Variants in LINC00305 observed in about 807,000 individuals in gnomAD.
LINC00305 encodes long independently transcribed non-coding RNA 305.
chr18:64,125,536 T>G (rs1298374545), intron 1 of LINC00305, among the ~76,000 whole-genome samples: 1 of 152,178 alleles, frequency 6.6e-6, no homozygotes, highest in Non-Finnish European at 1.5e-5. Context: ...ATATGTTTAA[T>G]GAGATACATT....
At chr18:64,137,820 C>G (rs1024487696) in intron 1 of LINC00305, among the ~76,000 whole-genome samples, 1 of 151,516 alleles carries the variant, frequency 6.6e-6, no homozygotes, top group East Asian at 1.9e-4. Flanking sequence ...GAGTTAAACA[C>G]AAGCCATTAA....
At chr18:64,108,344 G>A (rs974778482) in intron 1 of LINC00305, among the ~76,000 whole-genome samples, 4 of 152,180 alleles carry the variant, frequency 2.6e-5, no homozygotes, top group East Asian at 3.9e-4. Context: ...AGAAAGAAGT[G>A]CAACACATGA....
chr18:64,103,875 C>T (rs1450605034), intron 1 of LINC00305, among the ~76,000 whole-genome samples: 2 of 152,218 alleles, frequency 1.3e-5, no homozygotes, highest in South Asian at 2.1e-4. Context: ...GTAGAATGAT[C>T]TGTGGACATG....
chr18:64,110,287 C>T (rs1193410202), intron 1 of LINC00305, among the ~76,000 whole-genome samples: 1 of 152,200 alleles, frequency 6.6e-6, no homozygotes, highest in African/African-American at 2.4e-5. Flanking sequence ...TCTCCTCACT[C>T]TGCAAAGAAT....
chr18:64,107,134 G>A (rs1253788719), intron 1 of LINC00305, among the ~76,000 whole-genome samples: 1 of 152,232 alleles, frequency 6.6e-6, no homozygotes, highest in Non-Finnish European at 1.5e-5. Flanking sequence ...GGAGAAAAGA[G>A]CTCAGATCCT....
chr18:64,144,568 G>A lies in LINC00305; in HGVS notation n.314+4207C>T, dbSNP rs186970129. ...TTGTTGCCCAGGCTGGAGTGCAATG[G>A]TCTGATCTCAGCTCATTGCAACCTC... On this transcript the variant is annotated intron_variant and non_coding_transcript_variant, in intron 1 of 3. Coordinates refer to ENST00000666468, the Ensembl canonical transcript of LINC00305. 5.3e-5 allele frequency among the ~76,000 whole-genome samples: 8 copies of A among 152,154 alleles called. No individual in the cohort carries two copies. The East Asian group carries it at 1.6e-3, about 29-fold the overall frequency.
chr18:64,101,236 G>A (rs998701684), intron 1 of LINC00305, among the ~76,000 whole-genome samples: 6 of 152,120 alleles, frequency 3.9e-5, no homozygotes, highest in East Asian at 1.9e-4. Flanking sequence ...ACTCGGCATC[G>A]AGGAACAAGA....
intron 1 of LINC00305, among the ~76,000 whole-genome samples, chr18:64,140,036 C>G (rs935986690): frequency 5.3e-5 from 8 of 152,036 alleles, no homozygotes; most frequent in African/African-American, 1.7e-4. Context: ...CCTCGGAGAC[C>G]TTGTATCTGC....
chr18:64,129,271 G>C (rs560430225), intron 1 of LINC00305, among the ~76,000 whole-genome samples: 72 of 152,166 alleles, frequency 4.7e-4, no homozygotes, highest in African/African-American at 1.7e-3. Context: ...AATTATGCAA[G>C]CTATTTGATG....
intron 1 of LINC00305, among the ~76,000 whole-genome samples, chr18:64,135,166 G>A (rs1004721840): frequency 6.6e-6 from 1 of 152,040 alleles, no homozygotes; most frequent in Admixed American, 6.5e-5. Flanking sequence ...GTGTGTCTGT[G>A]TCTTTGTCCA....
intron 1 of LINC00305, among the ~76,000 whole-genome samples, chr18:64,116,676 T>C (rs768616973): frequency 6.6e-6 from 1 of 152,206 alleles, no homozygotes; most frequent in Non-Finnish European, 1.5e-5. Flanking sequence ...TGTGAGAGGA[T>C]TGCCATGATC....
chr18:64,146,053 G>A (rs976543343), intron 1 of LINC00305, among the ~76,000 whole-genome samples: 2 of 151,382 alleles, frequency 1.3e-5, no homozygotes, highest in Admixed American at 6.6e-5. Context: ...CAAACCACAG[G>A]CTATCTTAGT....
At chr18:64,107,687 C>T (rs1436156543) in intron 1 of LINC00305, among the ~76,000 whole-genome samples, 2 of 152,122 alleles carry the variant, frequency 1.3e-5, no homozygotes, top group African/African-American at 4.8e-5. Context: ...ATCGGAGATA[C>T]AAAAGAACTT....
At chr18:64,147,997 A>G (rs1239053884) in intron 1 of LINC00305, among the ~76,000 whole-genome samples, 1 of 150,872 alleles carries the variant, frequency 6.6e-6, no homozygotes, top group Non-Finnish European at 1.5e-5. Context: ...ATCATAGGGA[A>G]CCATCTCGGA....
chr18:64,145,581 T>C (rs1040960113), intron 1 of LINC00305, among the ~76,000 whole-genome samples: 5 of 152,094 alleles, frequency 3.3e-5, no homozygotes, highest in Non-Finnish European at 5.9e-5. Flanking sequence ...CCAGATAATA[T>C]TTTTTTGTAG....
intron 3 of LINC00305, among the ~76,000 whole-genome samples, chr18:64,086,279 T>C (rs1468490570): frequency 1.3e-5 from 2 of 152,228 alleles, no homozygotes; most frequent in East Asian, 3.8e-4. Flanking sequence ...AAGATGCTAT[T>C]GCATTTTTGC....
chr18:64,080,669 G>A (rs766961627), intron 3 of LINC00305, among the ~76,000 whole-genome samples: 7 of 152,176 alleles, frequency 4.6e-5, no homozygotes, highest in East Asian at 1.9e-4. Context: ...GTAATTTATG[G>A]TGTATAAAAT....
At chr18:64,126,561 C>T (rs993004019) in intron 1 of LINC00305, among the ~76,000 whole-genome samples, 3 of 152,070 alleles carry the variant, frequency 2.0e-5, no homozygotes, top group African/African-American at 7.2e-5. Flanking sequence ...TAGGATTGCT[C>T]AGAGCTGCCC....
chr18:64,121,535 A>T (rs1198173029), intron 1 of LINC00305, among the ~76,000 whole-genome samples: 1 of 152,080 alleles, frequency 6.6e-6, no homozygotes, highest in East Asian at 1.9e-4. Context: ...CATTCTTTTT[A>T]TGGCTGAATA....
Sources: allele counts gnomAD v4.1 joint callset (sites outside exome capture counted in the v4.1 genomes callset), GRCh38; gene constraint gnomAD v4.1.1; transcripts MANE v1.5; gene names NCBI Gene and HGNC (gene_info 2026-07-23, HGNC 2026-07-21).